PTPN14: variants seen among roughly 807,000 people sequenced by gnomAD.
PTPN14 encodes protein tyrosine phosphatase non-receptor type 14.
Under a neutral mutation model 126.8 loss-of-function variants are expected in PTPN14, and 53 were observed. The ratio of observed to expected loss-of-function variants is 0.42; its 90% CI spans 0.34 to 0.53. The LOEUF (loss-of-function observed/expected upper bound fraction) is 0.53, where lower values mean the gene tolerates loss of function less well. Among genes scored for constraint, PTPN14 ranks in the 20% least tolerant of loss-of-function variants. PTPN14 has a pLI of 0.08. For synonymous variants in PTPN14, 630 were observed against 599.3 expected, an observed-to-expected ratio of 1.05 and a Z score of -0.75; for missense variants, 1,257 against 1,552.9, an observed-to-expected ratio of 0.81 and a Z score of 3.20.
chr1:214,511,359 C>A (rs958417518), intron 1 of PTPN14, among the ~76,000 whole-genome samples: 4 of 152,010 alleles, frequency 2.6e-5, no homozygotes, highest in Non-Finnish European at 2.9e-5. Context: ...AAAACACAGA[C>A]TACCAAATTG....
intron 1 of PTPN14, among the ~76,000 whole-genome samples, chr1:214,519,410 T>C (rs1442896227): frequency 6.6e-6 from 1 of 152,104 alleles, no homozygotes; most frequent in Non-Finnish European, 1.5e-5. Flanking sequence ...AGAAGCACCT[T>C]ATTTATTTTC....
intron 3 of PTPN14, among the ~76,000 whole-genome samples, chr1:214,422,501 A>C (rs1361047321): frequency 6.6e-6 from 1 of 152,160 alleles, no homozygotes; most frequent in African/African-American, 2.4e-5. Context: ...CTCAAAATAC[A>C]TATCTGCCTG....
chr1:214,412,000 G>T (rs1659320489), intron 4 of PTPN14, among the ~76,000 whole-genome samples: 1 of 151,926 alleles, frequency 6.6e-6, no homozygotes, highest in Non-Finnish European at 1.5e-5. Flanking sequence ...ATTCCTAAAG[G>T]CCATTTAAAA....
rs1308708964 is a variant in PTPN14, at chr1:214,422,502, T to C, written c.345-7776A>G. ...TCTTGACTCATCAGCTCAAAATACA[T>C]ATCTGCCTGCCCTGAAAATCGTGTG... is the stretch of plus-strand genomic sequence containing the variant. On this transcript the variant is annotated intron_variant, in intron 3 of 18. Transcript: ENST00000366956. 2.6e-5 allele frequency among the ~76,000 whole-genome samples: 4 copies of C among 152,308 alleles called. No homozygotes were observed. The South Asian group carries it at 6.2e-4, about 24-fold the overall frequency.
chr1:214,449,375 T>C (rs1421483301), intron 3 of PTPN14, among the ~76,000 whole-genome samples: 3 of 152,214 alleles, frequency 2.0e-5, no homozygotes, highest in Non-Finnish European at 1.5e-5. Context: ...TGAGTCCCTC[T>C]TTATTTCAAC....
At chr1:214,362,931 G>C (rs1443606458) in intron 18 of PTPN14, among the ~76,000 whole-genome samples, 2 of 152,228 alleles carry the variant, frequency 1.3e-5, no homozygotes, top group Admixed American at 6.5e-5. Context: ...GGAAGGTGAT[G>C]ATGAGGCCCT....
chr1:214,498,522 T>C (rs1654602945), intron 1 of PTPN14, among the ~76,000 whole-genome samples: 1 of 152,180 alleles, frequency 6.6e-6, no homozygotes, highest in Non-Finnish European at 1.5e-5. Flanking sequence ...AACTGCCACA[T>C]AAACTTACCT....
intron 1 of PTPN14, among the ~76,000 whole-genome samples, chr1:214,538,791 T>C (rs1655770103): frequency 6.6e-6 from 1 of 152,202 alleles, no homozygotes; most frequent in African/African-American, 2.4e-5. Flanking sequence ...AACAAAGATT[T>C]TTCCGTACTG....
chr1:214,529,364 T>C (rs574691700), intron 1 of PTPN14: 2 of 152,292 alleles, frequency 1.3e-5, no homozygotes, highest in South Asian at 4.2e-4. Context: ...TCTATGGTCA[T>C]AGATACCTGA....
intron 5 of PTPN14, among the ~76,000 whole-genome samples, chr1:214,403,299 T>C (rs1329333292): frequency 6.6e-6 from 1 of 152,216 alleles, no homozygotes; most frequent in African/African-American, 2.4e-5. Context: ...ATATTTCTAA[T>C]GATTGGGGTA....
intron 1 of PTPN14, among the ~76,000 whole-genome samples, chr1:214,521,431 G>A (rs1456590758): frequency 2.0e-5 from 3 of 152,176 alleles, no homozygotes; most frequent in African/African-American, 7.2e-5. Flanking sequence ...AAGAAAGAAC[G>A]GCCAGGCGTG....
intron 5 of PTPN14, among the ~76,000 whole-genome samples, chr1:214,403,565 T>A (rs539651867): frequency 2.5e-4 from 38 of 152,316 alleles, no homozygotes; most frequent in African/African-American, 8.7e-4. Context: ...CCCTGGAACC[T>A]GTGATGTGCT....
intron 3 of PTPN14, among the ~76,000 whole-genome samples, chr1:214,445,409 C>T (rs935456501): frequency 3.3e-5 from 5 of 152,060 alleles, no homozygotes; most frequent in African/African-American, 4.8e-5. Flanking sequence ...GGTGGACAGC[C>T]CCACCCAAAC....
In PTPN14 at chr1:214,455,678, A is replaced by C. The variant is rs1267674538; in HGVS notation, c.175-3704T>G. Among the ~76,000 whole-genome samples, 7 of 152,338 alleles carry C rather than the reference A, an allele frequency of 4.6e-5. No homozygotes were observed. In the East Asian group the frequency reaches 1.3e-3, roughly 29 times the overall value. On this transcript the variant is annotated intron_variant, in intron 2 of 18. Transcript: ENST00000366956. Reference sequence around the variant, plus strand: ...CACTACGATGAAACCAAGTAGGGAAAGCCACACTAAAATGTCATTTTTATG... The same window carrying C: ...CACTACGATGAAACCAAGTAGGGAACGCCACACTAAAATGTCATTTTTATG...
chr1:214,540,333 A>G (rs1332929752), intron 1 of PTPN14, among the ~76,000 whole-genome samples: 2 of 152,178 alleles, frequency 1.3e-5, no homozygotes, highest in Non-Finnish European at 2.9e-5. Flanking sequence ...AGATCACAGT[A>G]TTTCCTGGGC....
chr1:214,531,428 G>C (rs1259704356), intron 1 of PTPN14: 3 of 151,148 alleles, frequency 2.0e-5, no homozygotes, highest in Non-Finnish European at 2.9e-5. Context: ...TGAGGGAGGA[G>C]GCATTTGCAC....
intron 1 of PTPN14, chr1:214,532,852 G>C (rs1655589557): frequency 9.8e-7 from 1 of 1,015,596 alleles, no homozygotes; most frequent in Admixed American, 1.7e-5. Flanking sequence ...AGGCCTACAA[G>C]CCCAGATTGC....
At chr1:214,454,331 G>A (rs61819598) in intron 2 of PTPN14, among the ~76,000 whole-genome samples, 3,965 of 151,954 alleles carry the variant, frequency 0.026, 75 homozygotes, top group Middle Eastern at 0.048. Flanking sequence ...AATTATAGAG[G>A]GCCACAGTAA....
rs1304558426 is a variant in PTPN14 at position 214,354,808 on chromosome 1, C to G, written c.*3114G>C. 1 of 152,188 alleles carries G rather than the reference C, an allele frequency of 6.6e-6. No individual in the cohort carries two copies. Among genetic ancestry groups the G allele is most frequent in the Non-Finnish European group, 1.5e-5 (1 of 68,040 alleles). 9.4% of individuals were successfully genotyped at this position (152,188 alleles called of 1,614,324 possible). On this transcript the variant is annotated 3_prime_UTR_variant, in exon 19 of 19. Coordinates refer to ENST00000366956, the MANE Select transcript of PTPN14 (RefSeq NM_005401.5). Reference sequence around the variant, plus strand: ...TACATTTTCTCCCTTCAAATCCAAACTGCAGCAATAGACACTGACAGCTCC... The same window carrying G: ...TACATTTTCTCCCTTCAAATCCAAAGTGCAGCAATAGACACTGACAGCTCC...
Sources: gnomAD v4.1 joint callset for allele counts (sites outside exome capture counted in the v4.1 genomes callset) on GRCh38, gnomAD v4.1.1 for gene constraint, MANE v1.5 for transcripts, NCBI Gene and HGNC (gene_info 2026-07-23, HGNC 2026-07-21) for gene names.